The following VRK1 variants were observed in gnomAD, a reference collection of about 807,000 sequenced individuals.
VRK1 encodes VRK serine/threonine kinase 1.
In VRK1, 33 loss-of-function variants were observed where a neutral mutation model predicts 57.1. The ratio of observed to expected loss-of-function variants is 0.58; its 90% CI spans 0.44 to 0.77. The LOEUF (loss-of-function observed/expected upper bound fraction) is 0.77, where lower values mean the gene tolerates loss of function less well. Ranked by LOEUF, VRK1 falls within the 30% of genes least tolerant of loss-of-function variation. The pLI is 0.00. For synonymous variants in VRK1, 137 were observed against 147.8 expected, an observed-to-expected ratio of 0.93 and a Z score of 0.53; for missense variants, 413 against 477.3, an observed-to-expected ratio of 0.87 and a Z score of 1.25.
At chr14:96,823,877 T>C (rs1331228328) in intron 1 of VRK1, among the ~76,000 whole-genome samples, 2 of 152,244 alleles carry the variant, frequency 1.3e-5, no homozygotes, top group African/African-American at 2.4e-5. Flanking sequence ...TTTTCAAGGC[T>C]GAATAATATT....
chr14:96,854,955 TAAC>T (rs1888091959), intron 7 of VRK1, among the ~76,000 whole-genome samples: 1 of 149,148 alleles, frequency 6.7e-6, no homozygotes, highest in African/African-American at 2.6e-5. Context: ...ATTACAAGTA[TAAC>T]ATATACTTAT....
At chr14:96,865,654 T>G (rs1467378774) in intron 11 of VRK1, among the ~76,000 whole-genome samples, 1 of 152,230 alleles carries the variant, frequency 6.6e-6, no homozygotes. Flanking sequence ...CCCCTATAGT[T>G]ACTTAGATGT....
At chr14:96,863,962 A>G (rs752595205) in intron 11 of VRK1, among the ~76,000 whole-genome samples, 1 of 152,318 alleles carries the variant, frequency 6.6e-6, no homozygotes, top group Non-Finnish European at 1.5e-5. Flanking sequence ...TGTAGCCTAT[A>G]GTTTCAGTCG....
Position 96,876,121 on chromosome 14 carries a change from G to A in VRK1, c.1159+1G>A, listed in dbSNP as rs774877872. 4.3e-6 allele frequency: 7 copies of A among 1,613,294 alleles called. No individual in the cohort carries two copies. Among genetic ancestry groups the A allele is most frequent in the South Asian group, 2.2e-5 (2 of 91,080 alleles). On this transcript the variant is annotated splice_donor_variant, in intron 12 of 12. Transcript: ENST00000216639. LOFTEE classifies it high-confidence loss of function. ...CAGACAGAGGAGGCCATACAGACCC[G>A]TAAGTTGAACAGTTTTGCCTAGCTG...
At chr14:96,824,950 G>A (rs1886746862) in intron 1 of VRK1, among the ~76,000 whole-genome samples, 2 of 152,132 alleles carry the variant, frequency 1.3e-5, no homozygotes, top group Non-Finnish European at 2.9e-5. Flanking sequence ...ACCGCACCCG[G>A]CCAAAAACAT....
At chr14:96,840,135 C>G (rs1887396672) in intron 3 of VRK1, among the ~76,000 whole-genome samples, 1 of 152,136 alleles carries the variant, frequency 6.6e-6, no homozygotes, top group South Asian at 2.1e-4. Context: ...ACCTGGCACT[C>G]TGTTTGGTCT....
intron 1 of VRK1, among the ~76,000 whole-genome samples, chr14:96,817,774 TG>T (rs1207243014): frequency 6.6e-6 from 1 of 152,192 alleles, no homozygotes. Context: ...ATATGCTAAG[TG>T]TTATGTAAAA....
intron 1 of VRK1, among the ~76,000 whole-genome samples, chr14:96,797,987 C>T (rs1309672030): frequency 6.6e-6 from 1 of 152,164 alleles, no homozygotes; most frequent in African/African-American, 2.4e-5. Context: ...TCCGGGAGGG[C>T]ATCTCAGAGG....
rs5810784 is a variant in VRK1, at chr14:96,876,776, C to CA, written c.1159+671dup. On this transcript the variant is annotated intron_variant, in intron 12 of 12. Transcript: ENST00000216639. ...TGATCACTTTTCAAAGTTCTTGAAG[C>CA]AAAAAAAAAAAAAAACACAAAAAAA... is the stretch of plus-strand genomic sequence containing the variant. Among the ~76,000 whole-genome samples the CA allele has an allele frequency of 7.5e-3, 955 of 126,694 alleles. 8 individuals are homozygous for CA. The highest frequency in any genetic ancestry group is 0.014 in the African/African-American group (488 of 34,562). 83.1% of individuals were successfully genotyped at this position (126,694 alleles called of 152,430 possible).
intron 1 of VRK1, among the ~76,000 whole-genome samples, chr14:96,818,526 G>A (rs1052464681): frequency 6.6e-6 from 1 of 152,146 alleles, no homozygotes; most frequent in Non-Finnish European, 1.5e-5. Context: ...CACAGTTTGA[G>A]TTTAGCTTAA....
At chr14:96,812,978 G>T (rs893131545) in intron 1 of VRK1, among the ~76,000 whole-genome samples, 1 of 152,198 alleles carries the variant, frequency 6.6e-6, no homozygotes, top group Non-Finnish European at 1.5e-5. Flanking sequence ...GTTGGGTCTT[G>T]TCTTAAGTTC....
At chr14:96,839,456 A>G (rs758294612) in intron 3 of VRK1, among the ~76,000 whole-genome samples, 17 of 151,976 alleles carry the variant, frequency 1.1e-4, no homozygotes, top group Non-Finnish European at 2.4e-4. Context: ...CCTTGTACAC[A>G]TTGGCCAATA....
chr14:96,805,162 A>G (rs1443448477), intron 1 of VRK1, among the ~76,000 whole-genome samples: 1 of 152,240 alleles, frequency 6.6e-6, no homozygotes, highest in Non-Finnish European at 1.5e-5. Flanking sequence ...GTATGTCCTG[A>G]TACTTGTATG....
At chr14:96,797,564 G>A (rs1214556052) in intron 1 of VRK1, 117 bp downstream of exon 1, 1 of 151,798 alleles carries the variant, frequency 6.6e-6, no homozygotes, top group African/African-American at 2.4e-5. Flanking sequence ...TGGGTCCACC[G>A]GGGTGCGGGA....
Position 96,810,994 on chromosome 14 carries a change from A to G in VRK1, c.-6+13547A>G, listed in dbSNP as rs578161909. 2.6e-5 allele frequency among the ~76,000 whole-genome samples: 4 copies of G among 151,656 alleles called. No homozygotes were observed. In the East Asian group the frequency reaches 7.8e-4, roughly 30 times the overall value. Reference sequence around the variant, plus strand: ...ACTCTGTTGATAGTGCAGTGGCGCTATCTCGGCTCACTGCAACCTCCGCCT... The same window carrying G: ...ACTCTGTTGATAGTGCAGTGGCGCTGTCTCGGCTCACTGCAACCTCCGCCT... On this transcript the variant is annotated intron_variant, in intron 1 of 12. Coordinates refer to ENST00000216639, the MANE Select transcript of VRK1 (RefSeq NM_003384.3).
intron 1 of VRK1, among the ~76,000 whole-genome samples, chr14:96,805,072 A>G (rs967646675): frequency 2.0e-5 from 3 of 152,246 alleles, no homozygotes; most frequent in African/African-American, 7.2e-5. Flanking sequence ...AAGAGTTCAT[A>G]AATCGGTCCA....
At chr14:96,824,733 A>C (rs1886735654) in intron 1 of VRK1, among the ~76,000 whole-genome samples, 1 of 149,596 alleles carries the variant, frequency 6.7e-6, no homozygotes, top group African/African-American at 2.5e-5. Flanking sequence ...GGCTCACTGC[A>C]AGCTCTGCCT....
At position 96,847,309 on chromosome 14, in the gene VRK1, T is replaced by C. The variant is rs777869255; in HGVS notation, c.339T>C (p.Tyr113=). ...TGAAGTACCTGGGTGTTCCTAAGTA[T>C]TGGGGGTCTGGTCTACATGACAAAA... ...RKLKYLGVPK[Y]WGSGLHDKNG... is the part of the protein sequence containing the mutation. The change falls in exon 5 of 13, where the codon TAT becomes TAC. Residue 113 remains tyrosine, a synonymous_variant. Transcript: ENST00000216639. 7 of 1,613,668 alleles carry C rather than the reference T, an allele frequency of 4.3e-6. No individual in the cohort carries two copies. Among genetic ancestry groups the C allele is most frequent in the African/African-American group, 4.0e-5 (3 of 74,910 alleles).
chr14:96,826,270 A>G (rs1020636978), intron 1 of VRK1, among the ~76,000 whole-genome samples: 4 of 152,208 alleles, frequency 2.6e-5, no homozygotes, highest in African/African-American at 7.2e-5. Context: ...TGCAGATATA[A>G]AAGTTGATCT....
Sources: gnomAD v4.1 joint callset for allele counts (sites outside exome capture counted in the v4.1 genomes callset) on GRCh38, gnomAD v4.1.1 for gene constraint, MANE v1.5 for transcripts, NCBI Gene and HGNC (gene_info 2026-07-23, HGNC 2026-07-21) for gene names.